Variants in TUSC3 observed in about 807,000 individuals in gnomAD.
TUSC3 encodes the protein dolichyl-diphosphooligosaccharide--protein glycosyltransferase subunit TUSC3.
In TUSC3, 45 loss-of-function variants were observed where a neutral mutation model predicts 44.8. The ratio of observed to expected loss-of-function variants is 1.00; its 90% CI spans 0.79 to 1.29. The LOEUF (loss-of-function observed/expected upper bound fraction) is 1.29, where lower values mean the gene tolerates loss of function less well. Ranked by LOEUF, TUSC3 falls within the 50% of genes most tolerant of loss-of-function variation. TUSC3 has a pLI of 0.00. For synonymous variants in TUSC3, 212 were observed against 152.9 expected, an observed-to-expected ratio of 1.39 and a Z score of -2.85; for missense variants, 519 against 437.9, an observed-to-expected ratio of 1.19 and a Z score of -1.65.
At chr8:15,842,476 T>C in the TUSC3 span, among the ~76,000 whole-genome samples, 1 of 152,200 alleles carries the variant, frequency 6.6e-6, no homozygotes, top group African/African-American at 2.4e-5. Flanking sequence ...TCCTGACAGT[T>C]AACAAAGGTT....
chr8:15,780,519 G>C, the TUSC3 span, among the ~76,000 whole-genome samples: 2 of 152,208 alleles, frequency 1.3e-5, no homozygotes, highest in Admixed American at 6.5e-5. Context: ...GAATAGGGCA[G>C]AGAAAACTCA....
At position 15,764,853 on chromosome 8, in the gene TUSC3, A is replaced by G. The variant is rs1471212798; in HGVS notation, c.*697A>G. On this transcript the variant is annotated 3_prime_UTR_variant, in exon 11 of 11. Transcript: ENST00000503731. ...CAGACGATGAAAGCAACATACCACA[A>G]CTAGGAGTTATTTCTCAAACTTAAA... is the stretch of plus-strand genomic sequence containing the variant. 1 of 152,064 alleles carries G rather than the reference A, an allele frequency of 6.6e-6. No individual in the cohort carries two copies. Among genetic ancestry groups the G allele is most frequent in the Admixed American group, 6.6e-5 (1 of 15,240 alleles). 9.4% of individuals were successfully genotyped at this position (152,064 alleles called of 1,614,324 possible). A position where few individuals can be genotyped will look rare whatever the true frequency, so the allele number is the denominator to read the frequency against.
At chr8:15,582,763 G>T (rs540216821) in intron 1 of TUSC3, among the ~76,000 whole-genome samples, 1 of 152,216 alleles carries the variant, frequency 6.6e-6, no homozygotes, top group African/African-American at 2.4e-5. Flanking sequence ...GGAACAACCT[G>T]CCTCAACTCG....
intron 2 of TUSC3, among the ~76,000 whole-genome samples, chr8:15,631,233 A>G (rs79657753): frequency 0.023 from 3,441 of 152,108 alleles, 122 homozygotes; most frequent in African/African-American, 0.076. Flanking sequence ...ATGTAGTTTA[A>G]TTTTCTTATT....
chr8:15,591,340 A>G (rs1262325045), intron 1 of TUSC3, among the ~76,000 whole-genome samples: 1 of 119,788 alleles, frequency 8.3e-6, no homozygotes. Context: ...AGTTATCCTC[A>G]CTTAGGCTTT....
chr8:15,845,755 T>G, the TUSC3 span, among the ~76,000 whole-genome samples: 1 of 152,100 alleles, frequency 6.6e-6, no homozygotes, highest in South Asian at 2.1e-4. Flanking sequence ...TCATTTCCAC[T>G]GTGCTTATTT....
At chr8:15,693,390 T>C (rs1298265959) in intron 6 of TUSC3, among the ~76,000 whole-genome samples, 2 of 152,006 alleles carry the variant, frequency 1.3e-5, no homozygotes, top group South Asian at 2.1e-4. Flanking sequence ...GTCTTACTTA[T>C]TTGCTTATGA....
At chr8:15,791,511 T>A in the TUSC3 span, among the ~76,000 whole-genome samples, 2 of 152,132 alleles carry the variant, frequency 1.3e-5, no homozygotes, top group African/African-American at 4.8e-5. Context: ...AGTTTCTGCT[T>A]GGATGACAAG....
At chr8:15,739,786 CT>C (rs1352543678) in intron 7 of TUSC3, among the ~76,000 whole-genome samples, 1 of 152,162 alleles carries the variant, frequency 6.6e-6, no homozygotes, top group Non-Finnish European at 1.5e-5. Flanking sequence ...TTGCCCAATG[CT>C]TGTTATCATT....
intron 1 of TUSC3, among the ~76,000 whole-genome samples, chr8:15,425,772 A>G (rs1324810105): frequency 6.6e-6 from 1 of 152,244 alleles, no homozygotes; most frequent in Non-Finnish European, 1.5e-5. Flanking sequence ...ATCCCTGTGA[A>G]AAACAGGGGT....
chr8:15,782,957 A>T, the TUSC3 span, among the ~76,000 whole-genome samples: 1 of 152,002 alleles, frequency 6.6e-6, no homozygotes, highest in Admixed American at 6.6e-5. Flanking sequence ...TGATGTGATA[A>T]AAAAAATACT....
intron 2 of TUSC3, among the ~76,000 whole-genome samples, chr8:15,629,343 T>G (rs1805655350): frequency 6.6e-6 from 1 of 152,144 alleles, no homozygotes; most frequent in South Asian, 2.1e-4. Flanking sequence ...CTATTGTTAT[T>G]GAGCCAGGAG....
chr8:15,669,968 A>G (rs35147004), intron 5 of TUSC3, among the ~76,000 whole-genome samples: 33,591 of 150,746 alleles, frequency 0.22, 4,423 homozygotes, highest in Non-Finnish European at 0.3. Context: ...CATAGTAAAT[A>G]ATGATGATTC....
intron 6 of TUSC3, among the ~76,000 whole-genome samples, chr8:15,676,610 G>A (rs141819822): frequency 6.6e-6 from 1 of 152,164 alleles, no homozygotes; most frequent in Admixed American, 6.6e-5. Flanking sequence ...CGGACATTTG[G>A]TAGTGTCTGG....
chr8:15,559,510 C>T (rs1234866935), intron 1 of TUSC3, among the ~76,000 whole-genome samples: 1 of 142,694 alleles, frequency 7.0e-6, no homozygotes, highest in Non-Finnish European at 1.6e-5. Context: ...CTGTAGATGT[C>T]TGTTAGGTCC....
intron 1 of TUSC3, among the ~76,000 whole-genome samples, chr8:15,461,561 C>T (rs1800345548): frequency 6.6e-6 from 1 of 151,864 alleles, no homozygotes; most frequent in Non-Finnish European, 1.5e-5. Context: ...CTAGGACTTC[C>T]AGTACTATAT....
chr8:15,810,180 T>G, the TUSC3 span, among the ~76,000 whole-genome samples: 2 of 152,126 alleles, frequency 1.3e-5, no homozygotes, highest in African/African-American at 4.8e-5. Flanking sequence ...CCAGAACAAC[T>G]GAATCAGAAA....
chr8:15,832,680 G>C, the TUSC3 span, among the ~76,000 whole-genome samples: 3 of 152,106 alleles, frequency 2.0e-5, no homozygotes, highest in African/African-American at 7.2e-5. Context: ...ACCAAAGAAG[G>C]CAAAGAAGGG....
At chr8:15,713,523 A>T (rs1032256956) in intron 6 of TUSC3, among the ~76,000 whole-genome samples, 7 of 152,012 alleles carry the variant, frequency 4.6e-5, no homozygotes, top group Non-Finnish European at 8.8e-5. Context: ...ACAAAGTACC[A>T]CTCACTGGAT....
Sources: gnomAD v4.1 joint callset for allele counts (sites outside exome capture counted in the v4.1 genomes callset) on GRCh38, gnomAD v4.1.1 for gene constraint, MANE v1.5 for transcripts, NCBI Gene and HGNC (gene_info 2026-07-23, HGNC 2026-07-21) for gene names.